The following YAP1 variants were observed in gnomAD, a reference collection of about 807,000 sequenced individuals.
The protein encoded by YAP1 is transcriptional coactivator YAP1.
A neutral mutation model predicts 56.9 loss-of-function variants in YAP1; 5 were observed. The observed-to-expected ratio is 0.09, with a 90% CI of 0.05 to 0.18. The LOEUF is 0.18. YAP1 is among the 10% of genes least tolerant of loss of function. The pLI, the probability that YAP1 is intolerant of heterozygous loss-of-function variation, is 1.00. For synonymous variants in YAP1, 265 were observed against 248.1 expected, an observed-to-expected ratio of 1.07 and a Z score of -0.64; for missense variants, 539 against 651.8, an observed-to-expected ratio of 0.83 and a Z score of 1.88.
At chr11:102,200,437 G>C (rs1323175051) in intron 4 of YAP1, among the ~76,000 whole-genome samples, 1 of 147,672 alleles carries the variant, frequency 6.8e-6, no homozygotes, top group African/African-American at 2.5e-5. Context: ...TTTGAGTAAA[G>C]AATAAGCTTT....
At chr11:102,190,213 A>G (rs1948199828) in intron 4 of YAP1, among the ~76,000 whole-genome samples, 1 of 152,054 alleles carries the variant, frequency 6.6e-6, no homozygotes, top group Admixed American at 6.6e-5. Flanking sequence ...TTTTCCCCTT[A>G]TCAACTCAAG....
intron 3 of YAP1, among the ~76,000 whole-genome samples, chr11:102,162,969 A>T (rs1445212251): frequency 3.9e-5 from 5 of 127,494 alleles, no homozygotes; most frequent in Admixed American, 1.8e-4. Context: ...ATTTTTTATT[A>T]TTATTATTTT....
chr11:102,199,677 A>T (rs879714021), intron 4 of YAP1, among the ~76,000 whole-genome samples: 37 of 152,212 alleles, frequency 2.4e-4, no homozygotes, highest in Non-Finnish European at 4.7e-4. Context: ...GGAATTTTTT[A>T]AAAATCTCTA....
chr11:102,116,318 A>G (rs1183489448), intron 2 of YAP1, among the ~76,000 whole-genome samples: 1 of 152,204 alleles, frequency 6.6e-6, no homozygotes, highest in African/African-American at 2.4e-5. Flanking sequence ...GAGAATATGT[A>G]TAGGTTATAT....
intron 3 of YAP1, among the ~76,000 whole-genome samples, chr11:102,171,264 C>T (rs917953430): frequency 6.6e-6 from 1 of 152,276 alleles, no homozygotes; most frequent in East Asian, 1.9e-4. Flanking sequence ...TCTGGTTACT[C>T]TATTGCTACA....
intron 6 of YAP1, among the ~76,000 whole-genome samples, chr11:102,216,054 T>G (rs548156646): frequency 6.6e-6 from 1 of 152,184 alleles, no homozygotes; most frequent in African/African-American, 2.4e-5. Context: ...GAGGCAGAAG[T>G]GAAATGGAAA....
intron 2 of YAP1, among the ~76,000 whole-genome samples, chr11:102,137,748 CTTTTTT>C (rs5794157): frequency 2.9e-5 from 4 of 140,000 alleles, no homozygotes; most frequent in African/African-American, 5.3e-5. Flanking sequence ...GAGTCATTGA[CTTTTTT>C]TTTTTTTTTT....
At chr11:102,162,058 T>C (rs932659973) in intron 2 of YAP1, among the ~76,000 whole-genome samples, 6 of 152,234 alleles carry the variant, frequency 3.9e-5, no homozygotes, top group African/African-American at 1.4e-4. Flanking sequence ...AATTATGTTA[T>C]TTGGCATTCT....
At chr11:102,180,625 T>A (rs969163631) in intron 3 of YAP1, among the ~76,000 whole-genome samples, 13 of 133,652 alleles carry the variant, frequency 9.7e-5, no homozygotes, top group Non-Finnish European at 1.8e-4. Context: ...GAGCTTGCAG[T>A]GAGCCGAGAT....
chr11:102,189,848 A>G (rs890127608), intron 4 of YAP1, among the ~76,000 whole-genome samples: 5 of 152,256 alleles, frequency 3.3e-5, no homozygotes, highest in African/African-American at 1.2e-4. Context: ...CTTCTTTTTC[A>G]TCAGAGTTAA....
Position 102,111,058 on chromosome 11 carries a change from C to T in YAP1, c.210C>T (p.Asn70=). 5.0e-6 allele frequency: 8 copies of T among 1,613,200 alleles called. No homozygotes were observed. The highest frequency in any genetic ancestry group is 5.9e-6 in the Non-Finnish European group (7 of 1,179,764). ...AGACCGACCTGGAGGCGCTCTTCAACGCCGTCATGAACCCCAAGACGGCCA... is the reference window on the plus strand; with the variant it reads ...AGACCGACCTGGAGGCGCTCTTCAATGCCGTCATGAACCCCAAGACGGCCA... ...DSETDLEALF[N]AVMNPKTANV... The change falls in exon 1 of 9, where the codon AAC becomes AAT. Residue 70 remains asparagine, a synonymous_variant. Transcript: ENST00000282441.
rs2135719024 is a variant in YAP1, at chr11:102,227,538, A to G, written c.1233A>G (p.Arg411=). Residue 411 remains arginine (R), a synonymous_variant, in exon 8 of 9, where the codon CGA becomes CGG. Coordinates refer to ENST00000282441, the MANE Select transcript of YAP1 (RefSeq NM_001130145.3). ...GLSMSSYSVP[R]TPDDFLNSVD... is the part of the protein sequence containing the mutation. ...GCATGAGCAGCTACAGTGTCCCTCG[A>G]ACCCCAGATGACTTCCTGAACAGTG... is the stretch of plus-strand genomic sequence containing the variant. The G allele has an allele frequency of 6.2e-7, 1 of 1,614,060 alleles. No individual in the cohort carries two copies. Among genetic ancestry groups the G allele is most frequent in the South Asian group, 1.1e-5 (1 of 91,010 alleles).
chr11:102,196,164 A>G (rs73582101), intron 4 of YAP1, among the ~76,000 whole-genome samples: 9,832 of 152,230 alleles, frequency 0.065, 962 homozygotes, highest in African/African-American at 0.21. Flanking sequence ...ACATTCCCAT[A>G]TGACCGAGCA....
At chr11:102,118,313 A>G (rs143545158) in intron 2 of YAP1, among the ~76,000 whole-genome samples, 359 of 152,308 alleles carry the variant, frequency 2.4e-3, no homozygotes, top group African/African-American at 8.1e-3. Flanking sequence ...TGATTAAGTT[A>G]TATTGAGTAG....
At chr11:102,195,088 C>T (rs1724467129) in intron 4 of YAP1, among the ~76,000 whole-genome samples, 1 of 152,106 alleles carries the variant, frequency 6.6e-6, no homozygotes, top group Admixed American at 6.5e-5. Flanking sequence ...TCTGAACTTT[C>T]TTTCCTAACT....
At chr11:102,200,669 T>G (rs1271246982) in intron 4 of YAP1, among the ~76,000 whole-genome samples, 1 of 152,134 alleles carries the variant, frequency 6.6e-6, no homozygotes, top group African/African-American at 2.4e-5. Context: ...GGTCTCAAAC[T>G]TCTGACCTCT....
chr11:102,121,370 G>A (rs932694203), intron 2 of YAP1, among the ~76,000 whole-genome samples: 1 of 151,812 alleles, frequency 6.6e-6, no homozygotes, highest in African/African-American at 2.4e-5. Flanking sequence ...AGCCTGGGAA[G>A]TCGAGGCTGC....
At chr11:102,223,267 A>G (rs978096328) in intron 6 of YAP1, among the ~76,000 whole-genome samples, 2 of 151,644 alleles carry the variant, frequency 1.3e-5, no homozygotes, top group African/African-American at 2.4e-5. Context: ...AAAAAAAAAA[A>G]AAAAAGAAGA....
intron 2 of YAP1, among the ~76,000 whole-genome samples, chr11:102,160,691 T>A (rs1446870641): frequency 3.6e-3 from 1 of 274 alleles, no homozygotes; most frequent in Non-Finnish European, 0.022. Flanking sequence ...TAATGCCACA[T>A]AACTGGAATT....
Sources: gnomAD v4.1 joint callset for allele counts (sites outside exome capture counted in the v4.1 genomes callset) on GRCh38, gnomAD v4.1.1 for gene constraint, MANE v1.5 for transcripts, NCBI Gene and HGNC (gene_info 2026-07-23, HGNC 2026-07-21) for gene names.